Variants in TLE4 observed in about 807,000 individuals in gnomAD.
TLE4 encodes TLE family member 4, transcriptional corepressor.
In TLE4, 8 loss-of-function variants were observed where a neutral mutation model predicts 92.8. The ratio of observed to expected loss-of-function variants is 0.09; its 90% CI spans 0.05 to 0.16. The LOEUF is 0.16. Among genes scored for constraint, TLE4 ranks in the 10% least tolerant of loss-of-function variants. TLE4 has a pLI of 1.00. For missense variants in TLE4, 675 were observed against 997.6 expected, an observed-to-expected ratio of 0.68 and a Z score of 4.36; for synonymous variants, 371 against 374.1, an observed-to-expected ratio of 0.99 and a Z score of 0.10.
intron 6 of TLE4, among the ~76,000 whole-genome samples, chr9:79,643,478 A>C (rs535493049): frequency 1.3e-5 from 2 of 152,326 alleles, no homozygotes; most frequent in East Asian, 3.9e-4. Flanking sequence ...TTCAATTCAA[A>C]AATTGTCTTT....
At chr9:79,671,059 T>TA (rs5898639) in intron 8 of TLE4, 53 of 250,466 alleles carry the variant, frequency 2.1e-4, no homozygotes, top group African/African-American at 5.3e-4. Context: ...AAATTTTGCC[T>TA]AAAAAAAAAT....
At chr9:79,628,870 TTAAGTGTGTG>T (rs1477630239) in intron 6 of TLE4, among the ~76,000 whole-genome samples, 9 of 119,378 alleles carry the variant, frequency 7.5e-5, no homozygotes, top group Admixed American at 3.6e-4. Context: ...AATTTTAAAG[TTAAGTGTGTG>T]TGTGTGTGTG....
At chr9:79,585,240 A>G (rs2040760419) in intron 4 of TLE4, among the ~76,000 whole-genome samples, 1 of 152,212 alleles carries the variant, frequency 6.6e-6, no homozygotes, top group Non-Finnish European at 1.5e-5. Flanking sequence ...CAACAATCTT[A>G]TGAGATTATA....
rs768395977 is a variant in TLE4, at chr9:79,708,136, C to A, written c.955C>A (p.Pro319Thr). The A allele has an allele frequency of 1.2e-6, 2 of 1,614,010 alleles. No individual in the cohort carries two copies. The highest frequency in any genetic ancestry group is 1.7e-6 in the Non-Finnish European group (2 of 1,179,960). Reference protein sequence around the residue: ...ELSLNEKSTTPVSKSNTPTPR... With the variant: ...ELSLNEKSTTTVSKSNTPTPR... ...TTGTTAGAATGAAAAATCTACTACT[C>A]CCGTCTCAAAGTCCAATACCCCTAC... Residue 319 changes from proline to threonine, a missense_variant, in exon 12 of 20, where the codon CCC becomes ACC. Pro to Thr is a conservative substitution (Grantham distance 38, BLOSUM62 -1). Coordinates refer to ENST00000376552, the MANE Select transcript of TLE4 (RefSeq NM_007005.6).
intron 8 of TLE4, among the ~76,000 whole-genome samples, chr9:79,690,563 G>C (rs765850759): frequency 4.0e-5 from 6 of 151,662 alleles, no homozygotes; most frequent in Non-Finnish European, 7.4e-5. Flanking sequence ...GCAGTCCCTT[G>C]ATTCCCTAAG....
chr9:79,703,728 G>C (rs956976823), intron 8 of TLE4, among the ~76,000 whole-genome samples: 1 of 152,156 alleles, frequency 6.6e-6, no homozygotes, highest in Non-Finnish European at 1.5e-5. Flanking sequence ...GCATTCCTAG[G>C]TTTCCAGACA....
chr9:79,616,142 G>A (rs1268246464), intron 5 of TLE4, among the ~76,000 whole-genome samples: 1 of 152,152 alleles, frequency 6.6e-6, no homozygotes, highest in African/African-American at 2.4e-5. Flanking sequence ...ATTTGCAGGG[G>A]AAGAACTATA....
chr9:79,711,962 T>A (rs1320451739), intron 14 of TLE4, among the ~76,000 whole-genome samples: 3 of 152,022 alleles, frequency 2.0e-5, no homozygotes, highest in Non-Finnish European at 4.4e-5. Flanking sequence ...CAGATCCAAG[T>A]TTGAATTTAG....
chr9:79,723,644 CT>C (rs1483772495), intron 19 of TLE4, among the ~76,000 whole-genome samples: 1 of 152,126 alleles, frequency 6.6e-6, no homozygotes, highest in Non-Finnish European at 1.5e-5. Flanking sequence ...AAAGACTTGC[CT>C]TTATTAACCT....
chr9:79,585,464 T>G (rs2040822928), intron 4 of TLE4, among the ~76,000 whole-genome samples: 1 of 152,228 alleles, frequency 6.6e-6, no homozygotes, highest in East Asian at 1.9e-4. Flanking sequence ...GCTTGACTGA[T>G]TCCGGAGCCT....
At chr9:79,612,320 A>C (rs2048554523) in intron 4 of TLE4, among the ~76,000 whole-genome samples, 2 of 152,150 alleles carry the variant, frequency 1.3e-5, no homozygotes, top group Admixed American at 1.3e-4. Flanking sequence ...AGAAGACTGC[A>C]GGTTTTATGG....
intron 8 of TLE4, among the ~76,000 whole-genome samples, chr9:79,674,264 T>C (rs1297990666): frequency 6.6e-6 from 1 of 152,104 alleles, no homozygotes; most frequent in Admixed American, 6.6e-5. Context: ...TGTGCTGTCA[T>C]CAGAACAGCC....
intron 8 of TLE4, among the ~76,000 whole-genome samples, chr9:79,678,510 A>G (rs2063722128): frequency 6.6e-6 from 1 of 152,114 alleles, no homozygotes; most frequent in African/African-American, 2.4e-5. Context: ...TTACCACTGT[A>G]TCTGAGAAAA....
chr9:79,593,908 G>T (rs774940939), intron 4 of TLE4, among the ~76,000 whole-genome samples: 1 of 152,084 alleles, frequency 6.6e-6, no homozygotes, highest in Non-Finnish European at 1.5e-5. Context: ...TAGGCAATAC[G>T]ATCCTAAATA....
At chr9:79,601,346 G>A (rs2045603548) in intron 4 of TLE4, 1 of 455,864 alleles carries the variant, frequency 2.2e-6, no homozygotes, top group Non-Finnish European at 4.4e-6. Context: ...CTTTATGGTT[G>A]ATATATTAAT....
chr9:79,619,821 A>G (rs1323684930), intron 5 of TLE4, among the ~76,000 whole-genome samples: 1 of 152,178 alleles, frequency 6.6e-6, no homozygotes, highest in Non-Finnish European at 1.5e-5. Flanking sequence ...TGATTTTCAC[A>G]TTAGGTTGTG....
intron 8 of TLE4, chr9:79,668,758 C>G (rs2061799616): frequency 1.1e-6 from 1 of 925,678 alleles, no homozygotes; most frequent in Non-Finnish European, 1.3e-6. Flanking sequence ...AAATGGAAGT[C>G]ATCTACTGGA....
intron 3 of TLE4, chr9:79,575,877 TAAAG>T: frequency 3.2e-6 from 1 of 316,656 alleles, no homozygotes; most frequent in Non-Finnish European, 5.8e-6. Flanking sequence ...TTGGGATGTA[TAAAG>T]AAACTGGAGA....
At chr9:79,589,633 G>C (rs567204548) in intron 4 of TLE4, among the ~76,000 whole-genome samples, 1 of 152,182 alleles carries the variant, frequency 6.6e-6, no homozygotes, top group Admixed American at 6.5e-5. Flanking sequence ...GAAGTCACTA[G>C]AATTAGTCTT....
Sources: gnomAD v4.1 joint callset for allele counts (sites outside exome capture counted in the v4.1 genomes callset) on GRCh38, gnomAD v4.1.1 for gene constraint, MANE v1.5 for transcripts, NCBI Gene and HGNC (gene_info 2026-07-23, HGNC 2026-07-21) for gene names.